The following SLC24A2 variants were observed in gnomAD, a reference collection of about 807,000 sequenced individuals.
The protein encoded by SLC24A2 is solute carrier family 24 member 2.
Under a neutral mutation model 62.0 loss-of-function variants are expected in SLC24A2, and 36 were observed. That is an observed-to-expected ratio of 0.58 (90% CI 0.44 to 0.77). The LOEUF (loss-of-function observed/expected upper bound fraction) is 0.77, where lower values mean the gene tolerates loss of function less well. Among genes scored for constraint, SLC24A2 ranks in the 30% least tolerant of loss-of-function variants. The probability of loss-of-function intolerance (pLI) is 0.00; values close to 1 mark genes in which losing one functional copy is unlikely to be tolerated. For synonymous variants in SLC24A2, 358 were observed against 294.0 expected (o/e 1.22, Z -2.23); for missense variants, 846 against 817.9 (o/e 1.03, Z -0.42).
At chr9:19,983,464 G>A in the SLC24A2 span, among the ~76,000 whole-genome samples, 1 of 152,108 alleles carries the variant, frequency 6.6e-6, no homozygotes, top group African/African-American at 2.4e-5. Context: ...CCAACATGGT[G>A]AAACCCCGTC....
chr9:19,971,648 T>C, the SLC24A2 span, among the ~76,000 whole-genome samples: 2 of 152,114 alleles, frequency 1.3e-5, no homozygotes. Flanking sequence ...CAGGAGCATT[T>C]GTCTAGCAGG....
chr9:19,592,541 CCTAT>C (rs1194180651), intron 5 of SLC24A2, among the ~76,000 whole-genome samples: 23 of 150,830 alleles, frequency 1.5e-4, no homozygotes, highest in African/African-American at 3.9e-4. Context: ...TACCTACCTA[CCTAT>C]CTACCTATCT....
At chr9:19,561,935 GA>G (rs1200272946) in intron 7 of SLC24A2, among the ~76,000 whole-genome samples, 1 of 152,176 alleles carries the variant, frequency 6.6e-6, no homozygotes, top group African/African-American at 2.4e-5. Flanking sequence ...ACTCTGAACT[GA>G]AATCAAGGTT....
the SLC24A2 span, among the ~76,000 whole-genome samples, chr9:19,821,998 T>G: frequency 3.3e-5 from 5 of 152,138 alleles, no homozygotes; most frequent in Non-Finnish European, 7.4e-5. Context: ...TGATATAGTG[T>G]GCAAGACATT....
At chr9:19,878,795 C>T in the SLC24A2 span, among the ~76,000 whole-genome samples, 15 of 152,164 alleles carry the variant, frequency 9.9e-5, no homozygotes, top group African/African-American at 3.6e-4. Flanking sequence ...AAGTCAATTA[C>T]ATCTCTTTTG....
the SLC24A2 span, among the ~76,000 whole-genome samples, chr9:19,918,204 A>T: frequency 6.6e-6 from 1 of 151,344 alleles, no homozygotes; most frequent in Non-Finnish European, 1.5e-5. Context: ...CCTAATATAA[A>T]CCATCTTTAC....
chr9:20,253,653 T>C, the SLC24A2 span, among the ~76,000 whole-genome samples: 1 of 152,226 alleles, frequency 6.6e-6, no homozygotes, highest in African/African-American at 2.4e-5. Context: ...GCATCAGTAC[T>C]TTTTATTAGC....
At chr9:19,898,600 G>T in the SLC24A2 span, among the ~76,000 whole-genome samples, 1 of 152,012 alleles carries the variant, frequency 6.6e-6, no homozygotes, top group Non-Finnish European at 1.5e-5. Context: ...AAATTAGCTG[G>T]GCGTGGTGGC....
intron 5 of SLC24A2, among the ~76,000 whole-genome samples, chr9:19,591,958 T>A (rs986386607): frequency 6.6e-6 from 1 of 152,256 alleles, no homozygotes; most frequent in African/African-American, 2.4e-5. Flanking sequence ...CAAGAAGGAC[T>A]TATTTTAAAG....
At chr9:20,205,648 C>CT in the SLC24A2 span, among the ~76,000 whole-genome samples, 11 of 56,526 alleles carry the variant, frequency 1.9e-4, no homozygotes, top group Middle Eastern at 0.013. Context: ...GAGACTCCAT[C>CT]TAAAAAAAAA....
intron 7 of SLC24A2, among the ~76,000 whole-genome samples, chr9:19,570,437 G>A (rs1835805046): frequency 6.6e-6 from 1 of 152,104 alleles, no homozygotes; most frequent in African/African-American, 2.4e-5. Context: ...CCTTTGGCAG[G>A]CTCTCAGAGC....
chr9:20,249,703 T>TAAAAA, the SLC24A2 span, among the ~76,000 whole-genome samples: 2 of 48,248 alleles, frequency 4.1e-5, no homozygotes, highest in African/African-American at 5.3e-4. Flanking sequence ...AAACTCTGTC[T>TAAAAA]CAAAAAAAAA....
chr9:20,163,509 A>G, the SLC24A2 span, among the ~76,000 whole-genome samples: 1 of 152,220 alleles, frequency 6.6e-6, no homozygotes, highest in Admixed American at 6.5e-5. Flanking sequence ...AGAACATTCC[A>G]TGCTCATGGG....
chr9:20,230,802 C>G, the SLC24A2 span, among the ~76,000 whole-genome samples: 2 of 152,092 alleles, frequency 1.3e-5, no homozygotes, highest in African/African-American at 2.4e-5. Context: ...ACATGAAGTC[C>G]TTGCCCATGC....
At chr9:19,876,702 G>A in the SLC24A2 span, among the ~76,000 whole-genome samples, 9 of 152,100 alleles carry the variant, frequency 5.9e-5, no homozygotes, top group Non-Finnish European at 7.4e-5. Flanking sequence ...TCTCTGTCTC[G>A]CTCTCTGTCT....
chr9:19,821,904 G>A, the SLC24A2 span, among the ~76,000 whole-genome samples: 362 of 152,138 alleles, frequency 2.4e-3, 1 homozygote, highest in Non-Finnish European at 3.9e-3. Context: ...TTATTTTGAA[G>A]TTTTGAAAAT....
At chr9:19,785,892 A>G (rs2118945883) in intron 2 of SLC24A2, 45 bp downstream of exon 2, 1 of 1,613,534 alleles carries the variant, frequency 6.2e-7, no homozygotes, top group East Asian at 2.2e-5. Context: ...ATAATTCAGA[A>G]CCGTAGTCAA....
At chr9:19,957,567 G>GGGCT in the SLC24A2 span, 1 of 152,926 alleles carries the variant, frequency 6.5e-6, no homozygotes, top group Admixed American at 6.5e-5. Context: ...TAGCCCAGGT[G>GGGCT]ACAAAGCCTC....
the SLC24A2 span, among the ~76,000 whole-genome samples, chr9:19,992,035 G>A: frequency 6.6e-6 from 1 of 152,202 alleles, no homozygotes; most frequent in Non-Finnish European, 1.5e-5. Context: ...AACCATCTAT[G>A]TTGGGGCAGC....
Sources: gnomAD v4.1 joint callset for allele counts (sites outside exome capture counted in the v4.1 genomes callset) on GRCh38, gnomAD v4.1.1 for gene constraint, MANE v1.5 for transcripts, NCBI Gene and HGNC (gene_info 2026-07-23, HGNC 2026-07-21) for gene names.